The following PARD3B variants were observed in gnomAD, a reference collection of about 807,000 sequenced individuals.
The protein encoded by PARD3B is par-3 family cell polarity regulator beta, also known as partitioning defective 3 homolog B.
In PARD3B, 103 loss-of-function variants were observed where a neutral mutation model predicts 130.2. That is an observed-to-expected ratio of 0.79 (90% CI 0.67 to 0.93). PARD3B has a LOEUF of 0.93. PARD3B is among the 40% of genes least tolerant of loss of function. PARD3B has a pLI of 0.00. For synonymous variants in PARD3B, 583 were observed against 553.2 expected (o/e 1.05, Z -0.76); for missense variants, 1,609 against 1,499.2 (o/e 1.07, Z -1.21).
chr2:204,793,299 T>C (rs902935113), intron 2 of PARD3B, among the ~76,000 whole-genome samples: 1 of 152,174 alleles, frequency 6.6e-6, no homozygotes, highest in African/African-American at 2.4e-5. Context: ...CTCTGCTACT[T>C]CATTTGACTT....
chr2:205,192,055 A>G (rs1341848888), intron 14 of PARD3B, among the ~76,000 whole-genome samples: 2 of 152,166 alleles, frequency 1.3e-5, no homozygotes, highest in African/African-American at 4.8e-5. Flanking sequence ...CGGCATTATA[A>G]AAAGGGAGGT....
intron 19 of PARD3B, among the ~76,000 whole-genome samples, chr2:205,419,485 A>T (rs2046892437): frequency 6.6e-6 from 1 of 152,192 alleles, no homozygotes; most frequent in Non-Finnish European, 1.5e-5. Flanking sequence ...GAGCAAATTG[A>T]ACTTTCTTTA....
intron 2 of PARD3B, among the ~76,000 whole-genome samples, chr2:204,798,150 T>C (rs533149951): frequency 6.6e-6 from 1 of 152,150 alleles, no homozygotes; most frequent in African/African-American, 2.4e-5. Flanking sequence ...CTGGAGAGGG[T>C]AGGAAGGACA....
chr2:205,370,280 A>T (rs1272474047), intron 18 of PARD3B, among the ~76,000 whole-genome samples: 1 of 152,236 alleles, frequency 6.6e-6, no homozygotes, highest in Non-Finnish European at 1.5e-5. Flanking sequence ...ACCAAGTAAA[A>T]ACATAAATGA....
chr2:205,259,599 G>GT (rs1042274238), intron 16 of PARD3B, among the ~76,000 whole-genome samples: 12 of 152,144 alleles, frequency 7.9e-5, no homozygotes, highest in East Asian at 3.9e-4. Flanking sequence ...TTATATCAAT[G>GT]TTTTTTATCA....
At chr2:205,514,833 C>CCTT (rs372893938) in intron 21 of PARD3B, among the ~76,000 whole-genome samples, 1 of 136,066 alleles carries the variant, frequency 7.3e-6, no homozygotes, top group Non-Finnish European at 1.6e-5. Flanking sequence ...TCTTACAGTT[C>CCTT]TTTTTTTTTT....
At chr2:204,942,218 C>A (rs1442012641) in intron 2 of PARD3B, among the ~76,000 whole-genome samples, 1 of 152,008 alleles carries the variant, frequency 6.6e-6, no homozygotes, top group Non-Finnish European at 1.5e-5. Context: ...GGCCTTTTTT[C>A]TTGTTGGTTA....
At chr2:205,073,026 A>G (rs2125490472) in intron 4 of PARD3B, among the ~76,000 whole-genome samples, 1 of 152,304 alleles carries the variant, frequency 6.6e-6, no homozygotes, top group South Asian at 2.1e-4. Context: ...TTTAATATAT[A>G]TCTTTTAAAC....
rs779929895 is a variant in PARD3B at position 205,011,619 on chromosome 2, G to T, written c.395-35962G>T. On this transcript the variant is annotated intron_variant, in intron 3 of 22. Coordinates refer to ENST00000406610, the MANE Select transcript of PARD3B (RefSeq NM_001302769.2). The surrounding 1 kb of genome is among the most constrained non-coding windows in gnomAD (Gnocchi z 4.1). ...AGGCAGTGGGGCTTGCTAGGTGGCC[G>T]TCTTGGAGACAGGCTGCCATGGACT... Among the ~76,000 whole-genome samples the T allele has an allele frequency of 1.3e-5, 2 of 152,236 alleles. No individual in the cohort carries two copies. The highest frequency in any genetic ancestry group is 1.9e-4 in the East Asian group (1 of 5,172).
At chr2:204,861,074 C>T (rs898771527) in intron 2 of PARD3B, among the ~76,000 whole-genome samples, 1 of 151,836 alleles carries the variant, frequency 6.6e-6, no homozygotes, top group Admixed American at 6.6e-5. Context: ...CCACTTATTA[C>T]AAATAGACAT....
At chr2:205,228,625 T>C (rs148892431) in intron 15 of PARD3B, among the ~76,000 whole-genome samples, 1,597 of 152,286 alleles carry the variant, frequency 0.01, 13 homozygotes, top group Middle Eastern at 0.034. Context: ...TATATCTTTC[T>C]CTTGGTTTGG....
chr2:204,578,043 C>T (rs145665912), intron 1 of PARD3B, among the ~76,000 whole-genome samples: 26 of 152,268 alleles, frequency 1.7e-4, no homozygotes, highest in Admixed American at 4.6e-4. Flanking sequence ...CCAAGGATGC[C>T]GCTAAACATC....
chr2:205,161,008 G>C (rs892339758), intron 11 of PARD3B, among the ~76,000 whole-genome samples: 1 of 152,144 alleles, frequency 6.6e-6, no homozygotes, highest in African/African-American at 2.4e-5. Context: ...AAGCCATCTA[G>C]GTTTGAGGAT....
intron 15 of PARD3B, among the ~76,000 whole-genome samples, chr2:205,202,596 A>G (rs1264842093): frequency 6.6e-6 from 1 of 152,232 alleles, no homozygotes; most frequent in Admixed American, 6.5e-5. Context: ...CACAAATGCC[A>G]TAAACTTAGC....
intron 18 of PARD3B, among the ~76,000 whole-genome samples, chr2:205,357,459 C>A (rs2044236886): frequency 6.6e-6 from 1 of 152,102 alleles, no homozygotes; most frequent in Non-Finnish European, 1.5e-5. Flanking sequence ...AAACAGTCGA[C>A]ATGGGTGCAG....
At chr2:205,388,773 G>A (rs967748502) in intron 18 of PARD3B, among the ~76,000 whole-genome samples, 4 of 152,090 alleles carry the variant, frequency 2.6e-5, no homozygotes, top group Admixed American at 2.6e-4. Flanking sequence ...TGATCACAAT[G>A]GCCCCGAAAT....
At position 205,057,664 on chromosome 2, in the gene PARD3B, T is replaced by TAC. The variant is rs565724886; in HGVS notation, c.504+9976_504+9977dup. Among the ~76,000 whole-genome samples, 145 of 146,950 alleles carry TAC rather than the reference T, an allele frequency of 9.9e-4. 13 individuals carry two copies. The East Asian group carries it at 0.028, about 28-fold the overall frequency. On this transcript the variant is annotated intron_variant, in intron 4 of 22. Transcript: ENST00000406610. ...ATATGTGTATGTGTATACGTACATA[T>TAC]ACATATATGTGTATGTGTATACGTA...
intron 2 of PARD3B, among the ~76,000 whole-genome samples, chr2:204,927,207 T>A (rs372908014): frequency 6.6e-6 from 1 of 152,088 alleles, no homozygotes; most frequent in South Asian, 2.1e-4. Flanking sequence ...GCCCTCCGCA[T>A]TGCCAAATTC....
intron 20 of PARD3B, among the ~76,000 whole-genome samples, chr2:205,477,346 A>AT (rs1382757228): frequency 6.6e-6 from 1 of 152,050 alleles, no homozygotes; most frequent in Non-Finnish European, 1.5e-5. Context: ...TTCCTCCTGA[A>AT]TTTTTTATAG....
Sources: gnomAD v4.1 joint callset for allele counts (sites outside exome capture counted in the v4.1 genomes callset) on GRCh38, gnomAD v4.1.1 for gene constraint, Gnocchi (gnomAD v3.1) non-coding constraint, MANE v1.5 for transcripts, NCBI Gene and HGNC (gene_info 2026-07-23, HGNC 2026-07-21) for gene names.